Variants in PTPRD observed in about 807,000 individuals in gnomAD.
PTPRD encodes the protein protein tyrosine phosphatase receptor type D.
A neutral mutation model predicts 214.5 loss-of-function variants in PTPRD; 34 were observed. That is an observed-to-expected ratio of 0.16 (90% CI 0.12 to 0.21). The LOEUF (loss-of-function observed/expected upper bound fraction) is 0.21. Ranked by LOEUF, PTPRD falls within the 10% of genes least tolerant of loss-of-function variation. The pLI, the probability that PTPRD is intolerant of heterozygous loss-of-function variation, is 1.00. For missense variants in PTPRD, 2,545 were observed against 2,398.7 expected, an observed-to-expected ratio of 1.06 and a Z score of -1.27; for synonymous variants, 1,128 against 845.7, an observed-to-expected ratio of 1.33 and a Z score of -5.79.
chr9:10,199,936 T>A (rs2099413003), intron 3 of PTPRD, among the ~76,000 whole-genome samples: 1 of 149,906 alleles, frequency 6.7e-6, no homozygotes, highest in African/African-American at 2.5e-5. Flanking sequence ...CACACACACA[T>A]CCTTCATACT....
intron 5 of PTPRD, among the ~76,000 whole-genome samples, chr9:9,867,583 A>G (rs1324903281): frequency 6.6e-6 from 1 of 152,136 alleles, no homozygotes; most frequent in Admixed American, 6.6e-5. Flanking sequence ...TGCTATTTCA[A>G]AGGAGAATAA....
intron 4 of PTPRD, among the ~76,000 whole-genome samples, chr9:9,954,517 G>C (rs1257511881): frequency 2.6e-5 from 4 of 151,282 alleles, no homozygotes; most frequent in African/African-American, 9.7e-5. Context: ...TACATAATCA[G>C]ACAATAAATT....
intron 20 of PTPRD, among the ~76,000 whole-genome samples, chr9:8,520,713 G>T (rs1022518021): frequency 6.6e-6 from 1 of 152,048 alleles, no homozygotes; most frequent in Non-Finnish European, 1.5e-5. Context: ...TTAAAGGAAA[G>T]AATATTCCTT....
chr9:10,471,261 G>A (rs768820831), intron 2 of PTPRD, among the ~76,000 whole-genome samples: 24 of 152,096 alleles, frequency 1.6e-4, no homozygotes, highest in South Asian at 2.1e-4. Flanking sequence ...TAACCTGCAC[G>A]TTATGCACAT....
At chr9:8,557,938 A>AT (rs201077980) in intron 14 of PTPRD, among the ~76,000 whole-genome samples, 1 of 151,852 alleles carries the variant, frequency 6.6e-6, no homozygotes, top group Non-Finnish European at 1.5e-5. Flanking sequence ...GTTTACTCTA[A>AT]TTTTTTTGTC....
At chr9:8,839,990 G>A (rs1313917875) in intron 11 of PTPRD, among the ~76,000 whole-genome samples, 7 of 152,178 alleles carry the variant, frequency 4.6e-5, no homozygotes, top group Non-Finnish European at 8.8e-5. Context: ...GTTGTTTTCA[G>A]ATAAAAGGAT....
At chr9:10,012,175 T>G (rs1445180798) in intron 4 of PTPRD, among the ~76,000 whole-genome samples, 4 of 151,948 alleles carry the variant, frequency 2.6e-5, no homozygotes, top group Non-Finnish European at 5.9e-5. Flanking sequence ...AATGGAACTT[T>G]GCAAGAATTT....
chr9:9,249,842 G>T (rs556636634), intron 9 of PTPRD, among the ~76,000 whole-genome samples: 2 of 152,024 alleles, frequency 1.3e-5, no homozygotes, highest in Admixed American at 6.6e-5. Context: ...TGAAAAGAAA[G>T]GATTAAATAT....
At chr9:9,019,331 AGAAAGAAC>A (rs751562986) in intron 10 of PTPRD, among the ~76,000 whole-genome samples, 13,095 of 49,054 alleles carry the variant, frequency 0.27, 1,140 homozygotes, top group Middle Eastern at 0.36. Context: ...AAAGAAAGAA[AGAAAGAAC>A]GAAAGAAAGA....
chr9:10,097,379 G>A (rs926722207), intron 3 of PTPRD, among the ~76,000 whole-genome samples: 1 of 142,196 alleles, frequency 7.0e-6, no homozygotes. Flanking sequence ...AGCATGGAAT[G>A]TTCTTCCATT....
intron 8 of PTPRD, among the ~76,000 whole-genome samples, chr9:9,507,085 C>T (rs1179151404): frequency 3.3e-5 from 5 of 150,890 alleles, no homozygotes; most frequent in Admixed American, 2.7e-4. Context: ...TATGTTCCTG[C>T]CAGAAGTTTG....
chr9:9,997,450 C>T (rs577750826), intron 4 of PTPRD, among the ~76,000 whole-genome samples: 4 of 152,098 alleles, frequency 2.6e-5, no homozygotes, highest in Non-Finnish European at 5.9e-5. Flanking sequence ...CCATGATGCC[C>T]AGCTAATTTT....
At chr9:9,945,702 G>C (rs374553136) in intron 4 of PTPRD, among the ~76,000 whole-genome samples, 7 of 152,082 alleles carry the variant, frequency 4.6e-5, no homozygotes, top group East Asian at 1.9e-4. Flanking sequence ...AGAAATTAGA[G>C]TACCTACATA....
intron 10 of PTPRD, among the ~76,000 whole-genome samples, chr9:9,025,269 G>T (rs1031903623): frequency 2.0e-5 from 3 of 151,968 alleles, no homozygotes; most frequent in Admixed American, 6.6e-5. Context: ...GTATGGCTAA[G>T]ATTAAGACAA....
chr9:8,419,148 G>C lies in PTPRD; in HGVS notation c.4087-14488C>G, dbSNP rs546933437. ...AGGCAGGAGAATAGTTTGAGCCCAG[G>C]AGTTCAATGTCGCAGTGAGCTGAGA... On this transcript the variant is annotated intron_variant, in intron 35 of 45. Transcript: ENST00000381196. 2.0e-5 allele frequency among the ~76,000 whole-genome samples: 3 copies of C among 150,938 alleles called. No individual in the cohort carries two copies. In the South Asian group the frequency reaches 6.3e-4, roughly 32 times the overall value.
chr9:10,540,319 G>C (rs1266833933), intron 2 of PTPRD, among the ~76,000 whole-genome samples: 1 of 152,124 alleles, frequency 6.6e-6, no homozygotes, highest in Non-Finnish European at 1.5e-5. Flanking sequence ...TGAGCCACCG[G>C]ACCCGGGCAT....
chr9:8,505,579 G>A (rs1349202764), intron 22 of PTPRD, among the ~76,000 whole-genome samples: 13 of 137,682 alleles, frequency 9.4e-5, no homozygotes, highest in African/African-American at 2.8e-4. Context: ...CAGAGATCGC[G>A]CCACTGCACT....
At chr9:9,640,106 G>C (rs927629198) in intron 7 of PTPRD, among the ~76,000 whole-genome samples, 3 of 152,160 alleles carry the variant, frequency 2.0e-5, no homozygotes, top group African/African-American at 7.2e-5. Context: ...GCCCATGTGG[G>C]ATGAGTAGAC....
chr9:9,463,868 C>G (rs1288498602), intron 8 of PTPRD, among the ~76,000 whole-genome samples: 1 of 152,044 alleles, frequency 6.6e-6, no homozygotes, highest in African/African-American at 2.4e-5. Context: ...GGAAATCAAC[C>G]ATCAGGCCTC....
Sources: gnomAD v4.1 joint callset for allele counts (sites outside exome capture counted in the v4.1 genomes callset) on GRCh38, gnomAD v4.1.1 for gene constraint, MANE v1.5 for transcripts, NCBI Gene and HGNC (gene_info 2026-07-23, HGNC 2026-07-21) for gene names.